ARAP2: variants seen among roughly 807,000 people sequenced by gnomAD.
ARAP2 encodes the protein ArfGAP with RhoGAP domain, ankyrin repeat and PH domain 2, also known as arf-GAP with Rho-GAP domain, ANK repeat and PH domain-containing protein 2.
ARAP2 carries 148 observed loss-of-function variants against 194.5 expected under a neutral mutation model. That is an observed-to-expected ratio of 0.76 (90% confidence interval 0.67 to 0.87). The LOEUF (loss-of-function observed/expected upper bound fraction) is 0.87. ARAP2 is among the 40% of genes least tolerant of loss of function. The probability of loss-of-function intolerance (pLI) is 0.00; values close to 1 mark genes in which losing one functional copy is unlikely to be tolerated. For missense variants in ARAP2, 2,128 were observed against 1,989.7 expected (o/e 1.07, Z -1.32); for synonymous variants, 695 against 683.5 (o/e 1.02, Z -0.26).
chr4:36,241,134 T>TTG (rs1753425446), intron 1 of ARAP2, among the ~76,000 whole-genome samples: 1 of 152,216 alleles, frequency 6.6e-6, no homozygotes, highest in Non-Finnish European at 1.5e-5. Flanking sequence ...TCTTCTAGAG[T>TTG]TTCTACAAAA....
At chr4:36,222,249 C>T (rs115397138) in intron 2 of ARAP2, among the ~76,000 whole-genome samples, 2 of 151,934 alleles carry the variant, frequency 1.3e-5, no homozygotes, top group Non-Finnish European at 2.9e-5. Flanking sequence ...GATGCTTTTA[C>T]AGAACATAAG....
chr4:36,123,643 C>T (rs1723203938), intron 22 of ARAP2, among the ~76,000 whole-genome samples: 1 of 151,704 alleles, frequency 6.6e-6, no homozygotes, highest in Non-Finnish European at 1.5e-5. Context: ...AAACTGTTTC[C>T]TAGTTAGTTT....
Position 36,244,310 on chromosome 4 carries a change from G to T in ARAP2, c.-291C>A, listed in dbSNP as rs1181642298. ...GAGGCGCCAGGCCTCCTCTTTCCCG[G>T]TCCCCGCCGGCTGTCCGCAGTCGCC... On this transcript the variant is annotated 5_prime_UTR_variant, in exon 1 of 33. Transcript: ENST00000303965. The T allele has an allele frequency of 6.6e-6, 1 of 151,706 alleles. No homozygotes were observed. Among genetic ancestry groups the T allele is most frequent in the Non-Finnish European group, 1.5e-5 (1 of 67,886 alleles). The allele number at this position is 151,706 out of a possible 1,614,324, so 9.4% of individuals were successfully genotyped here.
intron 1 of ARAP2, among the ~76,000 whole-genome samples, chr4:36,230,911 T>C (rs1029702370): frequency 2.6e-5 from 4 of 151,960 alleles, no homozygotes; most frequent in African/African-American, 9.7e-5. Flanking sequence ...AGGGAAAGAG[T>C]ATATCTTCTT....
At chr4:36,082,535 T>C (rs981512795) in intron 29 of ARAP2, among the ~76,000 whole-genome samples, 1 of 152,084 alleles carries the variant, frequency 6.6e-6, no homozygotes. Context: ...TCTGAGAAGA[T>C]ACTCTTAACT....
rs530759270 is a variant in ARAP2, at chr4:36,067,460, G to A, written c.*447C>T. 1.8e-4 allele frequency: 28 copies of A among 152,738 alleles called. No individual in the cohort carries two copies. Among genetic ancestry groups the A allele is most frequent in the African/African-American group, 6.5e-4 (27 of 41,528 alleles). The allele number at this position is 152,738 out of a possible 1,614,324, so 9.5% of individuals were successfully genotyped here. On this transcript the variant is annotated 3_prime_UTR_variant, in exon 33 of 33. Coordinates refer to ENST00000303965, the MANE Select transcript of ARAP2 (RefSeq NM_015230.4). ...TTTACTTCCCTTTCTTTTCCCTAAG[G>A]TAGAACTTCTGTAAACCTAAAAACA...
intron 27 of ARAP2, among the ~76,000 whole-genome samples, chr4:36,095,329 A>C (rs1714862148): frequency 6.6e-6 from 1 of 152,104 alleles, no homozygotes; most frequent in African/African-American, 2.4e-5. Flanking sequence ...TAAATGGCTA[A>C]ATGTGTTTCT....
At chr4:36,241,892 A>G (rs77090942) in intron 1 of ARAP2, among the ~76,000 whole-genome samples, 3,196 of 152,190 alleles carry the variant, frequency 0.021, 68 homozygotes, top group African/African-American at 0.052. Flanking sequence ...CTTCAACCCA[A>G]ATCAGGCCTC....
At chr4:36,236,439 T>C (rs1248254904) in intron 1 of ARAP2, among the ~76,000 whole-genome samples, 1 of 152,092 alleles carries the variant, frequency 6.6e-6, no homozygotes, top group Non-Finnish European at 1.5e-5. Flanking sequence ...AACAGCATAA[T>C]ACAATCGAAT....
chr4:36,147,177 A>G, intron 19 of ARAP2, 119 bp downstream of exon 19: 1 of 805,966 alleles, frequency 1.2e-6, no homozygotes. Context: ...TATTTATATG[A>G]TTCAGAAAAT....
chr4:36,032,523 A>G (rs899666972), intron 5 of ARAP2, among the ~76,000 whole-genome samples: 3 of 152,234 alleles, frequency 2.0e-5, no homozygotes, highest in Admixed American at 1.3e-4. Context: ...GCAAGAATAG[A>G]AGAGAGTTAA....
At chr4:36,017,393 CAATT>C (rs1232283473) in intron 6 of ARAP2, among the ~76,000 whole-genome samples, 1 of 150,662 alleles carries the variant, frequency 6.6e-6, no homozygotes, top group Non-Finnish European at 1.5e-5. Context: ...AGACAGAAAA[CAATT>C]AAACCATTCT....
At chr4:36,214,818 C>T (rs1237200306) in intron 2 of ARAP2, among the ~76,000 whole-genome samples, 2 of 152,170 alleles carry the variant, frequency 1.3e-5, no homozygotes, top group Non-Finnish European at 1.5e-5. Flanking sequence ...CTAATATGCA[C>T]ATAAAGTAAT....
intron 31 of ARAP2, among the ~76,000 whole-genome samples, chr4:36,074,772 G>C (rs1312399262): frequency 6.6e-6 from 1 of 152,042 alleles, no homozygotes; most frequent in East Asian, 1.9e-4. Flanking sequence ...TTAGGTTGCA[G>C]CTCTTATTTT....
chr4:36,024,754 A>C (rs1373087191), intron 5 of ARAP2, among the ~76,000 whole-genome samples: 1 of 152,160 alleles, frequency 6.6e-6, no homozygotes, highest in East Asian at 1.9e-4. Flanking sequence ...AGAATTTCAC[A>C]ACCTATTCAA....
intron 9 of ARAP2, among the ~76,000 whole-genome samples, chr4:36,175,439 T>C (rs548792350): frequency 1.3e-5 from 2 of 152,282 alleles, no homozygotes; most frequent in South Asian, 2.1e-4. Flanking sequence ...AAAAGGCACA[T>C]ACCAGGATGC....
chr4:36,230,494 CAG>C (rs1246240600), intron 1 of ARAP2, among the ~76,000 whole-genome samples: 1 of 152,126 alleles, frequency 6.6e-6, no homozygotes, highest in East Asian at 1.9e-4. Flanking sequence ...CATTAGATAA[CAG>C]AAAATATGCT....
intron 3 of ARAP2, among the ~76,000 whole-genome samples, chr4:36,049,448 G>T (rs1722318402): frequency 6.6e-6 from 1 of 152,160 alleles, no homozygotes. Flanking sequence ...GAAAATGACT[G>T]CCACAGGCAT....
intron 6 of ARAP2, among the ~76,000 whole-genome samples, chr4:36,196,354 T>G (rs1285664170): frequency 3.9e-5 from 6 of 152,158 alleles, no homozygotes; most frequent in Non-Finnish European, 8.8e-5. Flanking sequence ...GGCTTAAGGA[T>G]CAGTCGAAGA....
Sources: allele counts gnomAD v4.1 joint callset (sites outside exome capture counted in the v4.1 genomes callset), GRCh38; gene constraint gnomAD v4.1.1; transcripts MANE v1.5; gene names NCBI Gene and HGNC (gene_info 2026-07-23, HGNC 2026-07-21).